Variants in ADCY8 observed in about 807,000 individuals in gnomAD.
ADCY8 encodes the protein adenylate cyclase type 8.
ADCY8 carries 51 observed loss-of-function variants against 119.7 expected under a neutral mutation model. That is an observed-to-expected ratio of 0.43 (90% CI 0.34 to 0.54). The LOEUF (loss-of-function observed/expected upper bound fraction) is 0.54, where lower values mean the gene tolerates loss of function less well. ADCY8 is among the 20% of genes least tolerant of loss of function. The pLI is 0.03. For missense variants in ADCY8, 1,383 were observed against 1,598.8 expected, an observed-to-expected ratio of 0.87 and a Z score of 2.30; for synonymous variants, 665 against 651.0, an observed-to-expected ratio of 1.02 and a Z score of -0.33.
At chr8:130,808,423 G>A (rs1816047859) in intron 14 of ADCY8, among the ~76,000 whole-genome samples, 1 of 152,194 alleles carries the variant, frequency 6.6e-6, no homozygotes, top group South Asian at 2.1e-4. Context: ...TTTAAAATAT[G>A]TCAAGCACCA....
At chr8:130,965,640 C>A (rs1420336130) in intron 2 of ADCY8, among the ~76,000 whole-genome samples, 1 of 152,050 alleles carries the variant, frequency 6.6e-6, no homozygotes, top group African/African-American at 2.4e-5. Flanking sequence ...TGCCCATGAA[C>A]CCACATTCAA....
In ADCY8 at chr8:130,882,902, C is replaced by T. The variant is rs150918479; in HGVS notation, c.2109+1662G>A. On this transcript the variant is annotated intron_variant, in intron 8 of 17. Coordinates refer to ENST00000286355, the MANE Select transcript of ADCY8 (RefSeq NM_001115.3). Reference sequence around the variant, plus strand: ...ATCTCGGTGACAGGAGAGGAGTGATCGTTTGCTGATGTGTCCTGTTGCCAT... The same window carrying T: ...ATCTCGGTGACAGGAGAGGAGTGATTGTTTGCTGATGTGTCCTGTTGCCAT... Among the ~76,000 whole-genome samples, 199 of 151,886 alleles carry T rather than the reference C, an allele frequency of 1.3e-3. 1 individual carries two copies. The highest frequency in any genetic ancestry group is 2.4e-3 in the Non-Finnish European group (162 of 67,944).
intron 2 of ADCY8, among the ~76,000 whole-genome samples, chr8:130,963,151 C>T (rs1262445384): frequency 1.4e-5 from 2 of 141,652 alleles, no homozygotes; most frequent in South Asian, 2.3e-4. Flanking sequence ...GATCATAGTT[C>T]ACCCATTTAA....
chr8:130,801,257 C>T (rs530681747), intron 14 of ADCY8, among the ~76,000 whole-genome samples: 1 of 152,208 alleles, frequency 6.6e-6, no homozygotes, highest in South Asian at 2.1e-4. Flanking sequence ...ACTTAACCCT[C>T]TACTCTATTT....
At chr8:130,960,750 A>G (rs1269700692) in intron 2 of ADCY8, among the ~76,000 whole-genome samples, 4 of 152,090 alleles carry the variant, frequency 2.6e-5, no homozygotes, top group South Asian at 2.1e-4. Flanking sequence ...GGGAGATTCT[A>G]TCAGTGAACA....
chr8:130,799,993 T>C (rs539213839), intron 15 of ADCY8, among the ~76,000 whole-genome samples: 2 of 152,328 alleles, frequency 1.3e-5, no homozygotes, highest in African/African-American at 2.4e-5. Flanking sequence ...CCGCTATCTG[T>C]AGTATGTTTG....
At position 131,040,110 on chromosome 8, in the gene ADCY8, C is replaced by T. The variant is rs1225988308; in HGVS notation, c.224G>A (p.Gly75Asp). The change falls in exon 1 of 18, where the codon GGC becomes GAC. Residue 75 changes from glycine to aspartate, a missense_variant. Transcript: ENST00000286355. ...SGKASDPAGGGPNHHAPQLSG... is the reference protein window; with the variant it reads ...SGKASDPAGGDPNHHAPQLSG... ...CAGCTGCGGCGCGTGGTGGTTGGGGCCGCCGCCCGCAGGGTCCGAGGCTTT... is the reference window on the plus strand; with the variant it reads ...CAGCTGCGGCGCGTGGTGGTTGGGGTCGCCGCCCGCAGGGTCCGAGGCTTT... The T allele has an allele frequency of 1.3e-6, 2 of 1,525,824 alleles. No individual in the cohort carries two copies. The highest frequency in any genetic ancestry group is 1.4e-5 in the African/African-American group (1 of 72,812). The allele number at this position is 1,525,824 out of a possible 1,614,324, so 94.5% of individuals were successfully genotyped here. A position where few individuals can be genotyped will look rare whatever the true frequency, so the allele number is the denominator to read the frequency against.
At chr8:131,009,086 A>G (rs1004843402) in intron 1 of ADCY8, among the ~76,000 whole-genome samples, 10 of 152,216 alleles carry the variant, frequency 6.6e-5, no homozygotes, top group African/African-American at 2.2e-4. Context: ...TTTTCTGGAG[A>G]GAAATTCGAG....
At chr8:130,790,227 A>G (rs1416862365) in intron 15 of ADCY8, among the ~76,000 whole-genome samples, 1 of 152,142 alleles carries the variant, frequency 6.6e-6, no homozygotes, top group Non-Finnish European at 1.5e-5. Context: ...CTACCTAAGC[A>G]CTGAATAAGC....
intron 3 of ADCY8, among the ~76,000 whole-genome samples, chr8:130,951,427 T>C (rs1234978636): frequency 6.6e-6 from 1 of 152,230 alleles, no homozygotes; most frequent in East Asian, 1.9e-4. Context: ...GATAGATGGA[T>C]GGTTGGCCAA....
At chr8:130,895,607 G>A (rs1260200908) in intron 7 of ADCY8, among the ~76,000 whole-genome samples, 1 of 152,136 alleles carries the variant, frequency 6.6e-6, no homozygotes, top group Middle Eastern at 3.2e-3. Context: ...GAACTCAGCA[G>A]CTATCCTCAG....
intron 11 of ADCY8, among the ~76,000 whole-genome samples, chr8:130,843,875 G>A (rs16904374): frequency 0.14 from 20,977 of 152,164 alleles, 1,752 homozygotes; most frequent in Admixed American, 0.19. Flanking sequence ...TGAATGCTAA[G>A]ATGACACCAT....
chr8:131,021,332 A>G (rs751535712), intron 1 of ADCY8, among the ~76,000 whole-genome samples: 1 of 152,126 alleles, frequency 6.6e-6, no homozygotes, highest in Non-Finnish European at 1.5e-5. Flanking sequence ...CTCATAGTCC[A>G]AGATGGCTGT....
rs150116587 is a variant in ADCY8 at position 130,824,575 on chromosome 8, T to A, written c.2676-3155A>T. On this transcript the variant is annotated intron_variant, in intron 12 of 17. Transcript: ENST00000286355. Reference sequence around the variant, plus strand: ...CCTAGTAAAAACCCACAGAAAACAATGTAATGTGTATTGAATGGATACATG... The same window carrying A: ...CCTAGTAAAAACCCACAGAAAACAAAGTAATGTGTATTGAATGGATACATG... 5.8e-3 allele frequency among the ~76,000 whole-genome samples: 888 copies of A among 152,254 alleles called. 2 individuals are homozygous for A. Among genetic ancestry groups the A allele is most frequent in the Non-Finnish European group, 0.011 (737 of 68,018 alleles).
At chr8:130,999,008 G>A (rs1467107456) in intron 1 of ADCY8, among the ~76,000 whole-genome samples, 1 of 152,116 alleles carries the variant, frequency 6.6e-6, no homozygotes, top group Admixed American at 6.5e-5. Context: ...AAATCTCTGA[G>A]TCATGTCAAT....
intron 9 of ADCY8, among the ~76,000 whole-genome samples, chr8:130,852,159 A>T (rs1467837097): frequency 1.3e-5 from 2 of 152,206 alleles, no homozygotes; most frequent in African/African-American, 4.8e-5. Flanking sequence ...TCACAAGGAA[A>T]GAGTAACCAA....
intron 2 of ADCY8, among the ~76,000 whole-genome samples, chr8:130,969,863 C>T (rs373899514): frequency 6.6e-6 from 1 of 152,184 alleles, no homozygotes; most frequent in Non-Finnish European, 1.5e-5. Flanking sequence ...TAAGATCACA[C>T]AACAAGTGAG....
chr8:131,035,755 T>TA (rs1474933635), intron 1 of ADCY8, among the ~76,000 whole-genome samples: 2 of 152,192 alleles, frequency 1.3e-5, no homozygotes, highest in African/African-American at 4.8e-5. Flanking sequence ...CAAGGTGTGC[T>TA]AACTCTATAC....
intron 14 of ADCY8, among the ~76,000 whole-genome samples, chr8:130,804,146 C>T (rs1477233736): frequency 2.0e-5 from 3 of 152,180 alleles, no homozygotes; most frequent in Admixed American, 1.3e-4. Flanking sequence ...TCTCTGTTTA[C>T]TGTATTACCT....
Sources: gnomAD v4.1 joint callset for allele counts (sites outside exome capture counted in the v4.1 genomes callset) on GRCh38, gnomAD v4.1.1 for gene constraint, MANE v1.5 for transcripts, NCBI Gene and HGNC (gene_info 2026-07-23, HGNC 2026-07-21) for gene names.